Variants in NASP observed in about 807,000 individuals in gnomAD.
NASP encodes the protein NASP histone chaperone.
A neutral mutation model predicts 89.5 loss-of-function variants in NASP; 24 were observed. The observed-to-expected ratio is 0.27, with a 90% confidence interval of 0.19 to 0.38. The LOEUF (loss-of-function observed/expected upper bound fraction) is 0.38, where lower values mean the gene tolerates loss of function less well. Ranked by LOEUF, NASP falls within the 10% of genes least tolerant of loss-of-function variation. The pLI is 1.00. For missense variants in NASP, 848 were observed against 921.4 expected (o/e 0.92, Z 1.03); for synonymous variants, 306 against 324.7 (o/e 0.94, Z 0.62).
At position 45,616,402 on chromosome 1, in the gene NASP, T is replaced by G. The variant is rs1444057539; in HGVS notation, c.2079+9T>G. On this transcript the variant is annotated intron_variant, in intron 12 of 14. Coordinates refer to ENST00000350030, the MANE Select transcript of NASP (RefSeq NM_002482.4). ...GCTCTTCAGTCTCCATGGTGCGTAT[T>G]CAGGTGGTTTTTTGGTCACTTACAT... 1.2e-6 allele frequency: 2 copies of G among 1,613,810 alleles called. No homozygotes were observed. Among genetic ancestry groups the G allele is most frequent in the Admixed American group, 3.3e-5 (2 of 60,004 alleles).
intron 13 of NASP, among the ~76,000 whole-genome samples, chr1:45,617,019 A>AT (rs1644118671): frequency 6.6e-6 from 1 of 152,006 alleles, no homozygotes; most frequent in Non-Finnish European, 1.5e-5. Flanking sequence ...TAGTTTTTGT[A>AT]TTTTTAGTAG....
intron 7 of NASP, among the ~76,000 whole-genome samples, chr1:45,613,891 T>G (rs1644059025): frequency 9.4e-6 from 1 of 105,842 alleles, no homozygotes; most frequent in Admixed American, 9.8e-5. Flanking sequence ...TTCTTGTGTG[T>G]TAGTATGTGA....
At chr1:45,614,898 T>G in intron 9 of NASP, 115 bp from the exon 10 acceptor site, 1 of 930,788 alleles carries the variant, frequency 1.1e-6, no homozygotes, top group South Asian at 1.8e-5. Flanking sequence ...GAAATAACTA[T>G]AAACAAAAAT....
At chr1:45,598,902 T>TAA (rs1488797279) in intron 2 of NASP, among the ~76,000 whole-genome samples, 1 of 149,436 alleles carries the variant, frequency 6.7e-6, no homozygotes, top group Non-Finnish European at 1.5e-5. Context: ...TAAATGTAGA[T>TAA]AAAATTTCTA....
chr1:45,585,040 T>C (rs1644511280), intron 1 of NASP, among the ~76,000 whole-genome samples: 1 of 152,122 alleles, frequency 6.6e-6, no homozygotes, highest in African/African-American at 2.4e-5. Context: ...CAGCACTGTT[T>C]GGTTGCTAGG....
At chr1:45,608,458 C>T (rs566523489) in intron 6 of NASP, 121 bp downstream of exon 6, 1 of 1,036,150 alleles carries the variant, frequency 9.7e-7, no homozygotes, top group African/African-American at 1.6e-5. Context: ...TAGGAAAGGG[C>T]TAAATGAAAA....
chr1:45,584,855 C>G (rs1644507104), intron 1 of NASP, among the ~76,000 whole-genome samples: 1 of 152,198 alleles, frequency 6.6e-6, no homozygotes, highest in African/African-American at 2.4e-5. Flanking sequence ...CTAGTTCCCC[C>G]CGACACCTCG....
intron 6 of NASP, chr1:45,611,233 CTTCTA>C (rs965702038): frequency 9.2e-5 from 14 of 152,196 alleles, no homozygotes; most frequent in African/African-American, 3.1e-4. Context: ...ATATTGTTAT[CTTCTA>C]TTCTTACCTG....
chr1:45,614,461 G>C (rs1644068126), intron 9 of NASP, 95 bp downstream of exon 9: 2 of 1,000,766 alleles, frequency 2.0e-6, no homozygotes, highest in Admixed American at 1.9e-5. Context: ...TCTTTAAAAA[G>C]ATAGGTCTGT....
chr1:45,591,655 ACCT>A (rs1643551516), intron 2 of NASP, among the ~76,000 whole-genome samples: 1 of 150,908 alleles, frequency 6.6e-6, no homozygotes, highest in Non-Finnish European at 1.5e-5. Context: ...GGCCCGTCTC[ACCT>A]CCTCCCCCTG....
chr1:45,606,829 T>A (rs1306356630), intron 5 of NASP: 28 of 416,392 alleles, frequency 6.7e-5, no homozygotes, highest in Non-Finnish European at 8.5e-6. Flanking sequence ...TGGGGTTTTT[T>A]AAATCAAAAA....
Position 45,594,019 on chromosome 1 carries a change from A to G in NASP, c.107+2749A>G, listed in dbSNP as rs555445947. 2.0e-4 allele frequency among the ~76,000 whole-genome samples: 31 copies of G among 151,274 alleles called. 1 individual carries two copies. The highest frequency in any genetic ancestry group is 7.3e-4 in the African/African-American group (30 of 41,226). On this transcript the variant is annotated intron_variant, in intron 2 of 14. Transcript: ENST00000350030. ...ACTCTAGTCTGGGTGACAGAGTGAG[A>G]CCCTGTCTCCAAAAAAAAAAGGAAA...
In NASP at chr1:45,607,957, C is replaced by G. The variant is rs1208584392; in HGVS notation, c.1046C>G (p.Thr349Arg). Residue 349 changes from threonine (T) to arginine (R), a missense_variant, in exon 6 of 15, where the codon ACA (threonine) becomes AGA (arginine). Physicochemically the swap from Thr to Arg is moderately conservative, Grantham distance 71. Around this residue, in one of 5 missense-constraint regions of NASP, gnomAD observed 464 missense variants for 469.4 expected, o/e 0.99. Coordinates refer to ENST00000350030, the MANE Select transcript of NASP (RefSeq NM_002482.4). ...GCTGAAGAGTCACCAGAGGTGACAA[C>G]AGAGGCTGCAGAGGCCTCAGCTGTA... ...PPAEESPEVTTEAAEASAVEA... is the reference protein window; with the variant it reads ...PPAEESPEVTREAAEASAVEA... 2.5e-6 allele frequency: 4 copies of G among 1,614,000 alleles called. No individual in the cohort carries two copies. The African/African-American group carries it at 4.0e-5, about 16-fold the overall frequency.
intron 1 of NASP, among the ~76,000 whole-genome samples, chr1:45,586,562 T>A (rs1644554402): frequency 2.0e-5 from 3 of 152,148 alleles, no homozygotes; most frequent in African/African-American, 7.2e-5. Context: ...GTGCTGAGAT[T>A]ACCGGCGTGA....
intron 2 of NASP, among the ~76,000 whole-genome samples, chr1:45,594,314 C>T (rs1398265678): frequency 6.0e-5 from 9 of 149,298 alleles, no homozygotes; most frequent in African/African-American, 1.7e-4. Context: ...GGGTGACGAG[C>T]GAAACTCTCA....
chr1:45,600,666 G>A (rs1191147415), intron 2 of NASP, among the ~76,000 whole-genome samples: 2 of 152,144 alleles, frequency 1.3e-5, no homozygotes. Flanking sequence ...ACAAGTCTTT[G>A]TATGGGCATT....
chr1:45,607,818 A>G lies in NASP; in HGVS notation c.907A>G (p.Thr303Ala). 6.2e-7 allele frequency: 1 copy of G among 1,614,132 alleles called. No individual in the cohort carries two copies. Among genetic ancestry groups the G allele is most frequent in the Non-Finnish European group, 8.5e-7 (1 of 1,180,016 alleles). ...GGTAGAAGCAGAGTCTTTAGACCCGACAGTCAAGCCAGTGGATGTGGGTGG... is the reference window on the plus strand; with the variant it reads ...GGTAGAAGCAGAGTCTTTAGACCCGGCAGTCAAGCCAGTGGATGTGGGTGG... ...VEVEAESLDP[T>A]VKPVDVGGDE... Residue 303 changes from threonine (T) to alanine (A), a missense_variant, in exon 6 of 15, where the codon ACA becomes GCA. Around this residue, in one of 5 missense-constraint regions of NASP, gnomAD observed 464 missense variants for 469.4 expected, o/e 0.99. Coordinates refer to ENST00000350030, the MANE Select transcript of NASP (RefSeq NM_002482.4).
At chr1:45,590,186 A>G (rs2991979) in intron 1 of NASP, among the ~76,000 whole-genome samples, 109,887 of 151,996 alleles carry the variant, frequency 0.72, 39,837 homozygotes, top group African/African-American at 0.76. Context: ...TTTTCCAACT[A>G]TACAAGTACT....
At position 45,586,239 on chromosome 1, in the gene NASP, C is replaced by CGTGTGT. The variant is rs537983711; in HGVS notation, c.59+2074_59+2079dup. Among the ~76,000 whole-genome samples the CGTGTGT allele has an allele frequency of 5.9e-3, 647 of 110,228 alleles. 4 individuals carry two copies. Among genetic ancestry groups the CGTGTGT allele is most frequent in the Middle Eastern group, 0.017 (4 of 234 alleles). The allele number at this position is 110,228 out of a possible 152,430, so 72.3% of individuals were successfully genotyped here. On this transcript the variant is annotated intron_variant, in intron 1 of 14. Transcript: ENST00000350030. Reference sequence around the variant, plus strand: ...CGGCCCCCTGCAGCCCCTACCGTGCCGTGTGTGTGTGTGTGTGTGTGTGTG... The same window carrying CGTGTGT: ...CGGCCCCCTGCAGCCCCTACCGTGCCGTGTGTGTGTGTGTGTGTGTGTGTGTGTGTG...
Sources: gnomAD v4.1 joint callset for allele counts (sites outside exome capture counted in the v4.1 genomes callset) on GRCh38, gnomAD v4.1.1 for gene constraint, gnomAD v4.1.1 regional missense constraint, MANE v1.5 for transcripts, NCBI Gene and HGNC (gene_info 2026-07-23, HGNC 2026-07-21) for gene names.